Variants in FOCAD observed in about 807,000 individuals in gnomAD.
FOCAD encodes the protein focadhesin, also known as KIAA1797.
A neutral mutation model predicts 225.6 loss-of-function variants in FOCAD; 198 were observed. That is an observed-to-expected ratio of 0.88 (90% confidence interval 0.78 to 0.99). The LOEUF (loss-of-function observed/expected upper bound fraction) is 0.99, where lower values mean the gene tolerates loss of function less well. Among genes scored for constraint, FOCAD ranks in the 50% least tolerant of loss-of-function variants. FOCAD has a pLI of 0.00. For missense variants in FOCAD, 2,713 were observed against 2,123.6 expected (o/e 1.28, Z -5.46); for synonymous variants, 897 against 755.0 (o/e 1.19, Z -3.08).
chr9:20,759,343 G>A (rs1829355347), intron 6 of FOCAD, among the ~76,000 whole-genome samples: 1 of 152,104 alleles, frequency 6.6e-6, no homozygotes, highest in South Asian at 2.1e-4. Flanking sequence ...AAAACAGCAT[G>A]GTACTGGTAC....
chr9:20,913,457 G>A (rs932075935), intron 23 of FOCAD, among the ~76,000 whole-genome samples: 2 of 151,982 alleles, frequency 1.3e-5, no homozygotes, highest in Non-Finnish European at 2.9e-5. Flanking sequence ...AAATATATTA[G>A]TGCTGGCTCA....
At chr9:20,947,610 C>A (rs1037438188) in intron 30 of FOCAD, among the ~76,000 whole-genome samples, 2 of 151,748 alleles carry the variant, frequency 1.3e-5, no homozygotes, top group Non-Finnish European at 1.5e-5. Flanking sequence ...TACTTAATGC[C>A]GCTGAACTGG....
At chr9:20,830,995 G>A (rs749633511) in intron 15 of FOCAD, among the ~76,000 whole-genome samples, 2 of 151,996 alleles carry the variant, frequency 1.3e-5, no homozygotes, top group Non-Finnish European at 2.9e-5. Context: ...TACCTTTAAA[G>A]GATGTTTTTG....
At chr9:20,808,058 A>G (rs1822652910) in intron 11 of FOCAD, among the ~76,000 whole-genome samples, 1 of 151,186 alleles carries the variant, frequency 6.6e-6, no homozygotes, top group African/African-American at 2.5e-5. Flanking sequence ...GAAAAAAAAA[A>G]AGAAAGAACG....
intron 28 of FOCAD, among the ~76,000 whole-genome samples, chr9:20,936,098 A>T (rs1421742363): frequency 6.6e-6 from 1 of 152,176 alleles, no homozygotes. Context: ...TTTTTGAGGG[A>T]GCAACATCGT....
At chr9:20,971,405 C>G (rs1839749861) in intron 35 of FOCAD, among the ~76,000 whole-genome samples, 1 of 152,052 alleles carries the variant, frequency 6.6e-6, no homozygotes, top group African/African-American at 2.4e-5. Flanking sequence ...GATAAGTACA[C>G]AATGTAAAAT....
intron 27 of FOCAD, among the ~76,000 whole-genome samples, chr9:20,931,879 G>C (rs2132217188): frequency 6.7e-6 from 1 of 149,300 alleles, no homozygotes; most frequent in South Asian, 2.2e-4. Flanking sequence ...GCCCAGCCTG[G>C]GTGAGAATGC....
At chr9:20,954,708 T>G (rs1837978212) in intron 35 of FOCAD, among the ~76,000 whole-genome samples, 1 of 152,194 alleles carries the variant, frequency 6.6e-6, no homozygotes, top group South Asian at 2.1e-4. Context: ...AACAAATAAA[T>G]GAAGTATTAA....
intron 15 of FOCAD, among the ~76,000 whole-genome samples, chr9:20,828,112 C>T (rs1464342966): frequency 1.3e-5 from 2 of 149,498 alleles, no homozygotes; most frequent in Non-Finnish European, 3.0e-5. Flanking sequence ...ATGATTGCGC[C>T]ACTGCATTCC....
At chr9:20,973,527 A>C (rs1441205826) in intron 35 of FOCAD, among the ~76,000 whole-genome samples, 2 of 136,562 alleles carry the variant, frequency 1.5e-5, no homozygotes, top group Non-Finnish European at 3.1e-5. Flanking sequence ...CCCTTCTTTT[A>C]GCATCTGTTC....
In FOCAD at chr9:20,715,399, A is replaced by T; in HGVS notation, c.46A>T (p.Ile16Phe). The change falls in exon 2 of 44, where the codon ATC (isoleucine) becomes TTC (phenylalanine). Residue 16 changes from isoleucine (I) to phenylalanine (F), a missense_variant. Ile to Phe is a conservative substitution (Grantham distance 21, BLOSUM62 0). Transcript: ENST00000338382. ...RKRFEFPNSL[I>F]QSQAVGHLIA... ...AAGGTTTGAATTTCCAAATTCTCTT[A>T]TCCAATCACAGGTAATTTTGTTTGT... 1 of 1,516,762 alleles carries T rather than the reference A, an allele frequency of 6.6e-7. No homozygotes were observed. The highest frequency in any genetic ancestry group is 1.4e-5 in the South Asian group (1 of 71,062). 94.0% of individuals were successfully genotyped at this position (1,516,762 alleles called of 1,614,324 possible). A position where few individuals can be genotyped will look rare whatever the true frequency, so the allele number is the denominator to read the frequency against.
chr9:20,967,172 T>A (rs989532374), intron 35 of FOCAD, among the ~76,000 whole-genome samples: 5 of 152,122 alleles, frequency 3.3e-5, no homozygotes, highest in Admixed American at 2.6e-4. Context: ...TGTCTTTCTA[T>A]TTATTTAGGG....
intron 18 of FOCAD, among the ~76,000 whole-genome samples, chr9:20,870,035 A>G (rs1283033171): frequency 6.6e-6 from 1 of 152,194 alleles, no homozygotes. Flanking sequence ...ACAAACAAAA[A>G]AACTATGGAG....
intron 8 of FOCAD, among the ~76,000 whole-genome samples, chr9:20,773,210 C>G (rs1818410296): frequency 6.6e-6 from 1 of 152,086 alleles, no homozygotes. Context: ...TTCCCCCCAC[C>G]TTTAGCATAT....
At chr9:20,738,946 A>T (rs1287008287) in intron 4 of FOCAD, among the ~76,000 whole-genome samples, 1 of 152,156 alleles carries the variant, frequency 6.6e-6, no homozygotes, top group East Asian at 1.9e-4. Context: ...TTGTGTCCCA[A>T]AGTCTTTTAA....
At chr9:20,674,735 T>A (rs1382219650) in intron 2 of FOCAD, among the ~76,000 whole-genome samples, 1 of 152,224 alleles carries the variant, frequency 6.6e-6, no homozygotes, top group African/African-American at 2.4e-5. Flanking sequence ...TTGCTCTGTA[T>A]AATCAGTGTT....
chr9:20,773,909 T>C (rs1467712274), intron 8 of FOCAD, among the ~76,000 whole-genome samples: 1 of 152,172 alleles, frequency 6.6e-6, no homozygotes, highest in African/African-American at 2.4e-5. Context: ...AGACTGGTAT[T>C]GGTTCCTTGC....
chr9:20,819,987 C>T lies in FOCAD; in HGVS notation c.1560+87C>T, dbSNP rs878908078. The T allele has an allele frequency of 3.0e-5, 25 of 826,414 alleles. No individual in the cohort carries two copies. In the South Asian group the frequency reaches 4.2e-4, roughly 14 times the overall value. The allele number at this position is 826,414 out of a possible 1,614,324, so 51.2% of individuals were successfully genotyped here. On this transcript the variant is annotated intron_variant, in intron 12 of 43. Coordinates refer to ENST00000338382, the MANE Select transcript of FOCAD (RefSeq NM_001375567.1). ...TTTTTGGTATTATGAAATTTTAAGC[C>T]CTAAATTTTGCCATAGTCACTACTT...
At chr9:20,760,418 A>G (rs959617332) in intron 6 of FOCAD, among the ~76,000 whole-genome samples, 18 of 152,236 alleles carry the variant, frequency 1.2e-4, no homozygotes, top group African/African-American at 2.9e-4. Context: ...GTTCCAATCT[A>G]TCTCACCAGC....
Sources: allele counts gnomAD v4.1 joint callset (sites outside exome capture counted in the v4.1 genomes callset), GRCh38; gene constraint gnomAD v4.1.1; transcripts MANE v1.5; gene names NCBI Gene and HGNC (gene_info 2026-07-23, HGNC 2026-07-21).